The following TTC28 variants were observed in gnomAD, a reference collection of about 807,000 sequenced individuals.
TTC28 encodes tetratricopeptide repeat protein 28.
A neutral mutation model predicts 198.0 loss-of-function variants in TTC28; 61 were observed. The observed-to-expected ratio is 0.31, with a 90% CI of 0.25 to 0.38. The LOEUF (loss-of-function observed/expected upper bound fraction) is 0.38, where lower values mean the gene tolerates loss of function less well. Ranked by LOEUF, TTC28 falls within the 10% of genes least tolerant of loss-of-function variation. The pLI, the probability that TTC28 is intolerant of heterozygous loss-of-function variation, is 1.00. For missense variants in TTC28, 2,678 were observed against 3,164.0 expected (o/e 0.85, Z 3.69); for synonymous variants, 1,171 against 1,297.8 (o/e 0.90, Z 2.10).
At chr22:28,116,666 GA>G (rs549370594) in intron 6 of TTC28, among the ~76,000 whole-genome samples, 1 of 152,160 alleles carries the variant, frequency 6.6e-6, no homozygotes, top group Admixed American at 6.5e-5. Flanking sequence ...GCTTCAGTAT[GA>G]AAAAAACATT....
intron 2 of TTC28, among the ~76,000 whole-genome samples, chr22:28,575,434 T>C (rs1399867176): frequency 6.6e-6 from 1 of 151,858 alleles, no homozygotes; most frequent in Middle Eastern, 3.2e-3. Flanking sequence ...GGCTCTGTAG[T>C]ATAATTTGAA....
chr22:28,469,783 T>C (rs2048074506), intron 2 of TTC28, among the ~76,000 whole-genome samples: 1 of 152,220 alleles, frequency 6.6e-6, no homozygotes, highest in South Asian at 2.1e-4. Context: ...TTTCAGACTT[T>C]TGAGCTTCCA....
At chr22:28,135,798 T>C (rs1290999292) in intron 6 of TTC28, among the ~76,000 whole-genome samples, 1 of 152,192 alleles carries the variant, frequency 6.6e-6, no homozygotes, top group Non-Finnish European at 1.5e-5. Flanking sequence ...ACTGTAATTG[T>C]TTATTATATT....
intron 2 of TTC28, among the ~76,000 whole-genome samples, chr22:28,382,374 T>C (rs982578296): frequency 1.3e-5 from 2 of 152,164 alleles, no homozygotes; most frequent in African/African-American, 4.8e-5. Flanking sequence ...CTCCACATCA[T>C]CACTTGAGTA....
At chr22:28,592,409 G>C (rs974095440) in intron 2 of TTC28, among the ~76,000 whole-genome samples, 1 of 152,044 alleles carries the variant, frequency 6.6e-6, no homozygotes, top group Non-Finnish European at 1.5e-5. Flanking sequence ...CTAGCACTTT[G>C]GGAGGCCTAG....
chr22:28,304,221 C>G (rs763562055), intron 3 of TTC28, among the ~76,000 whole-genome samples: 202 of 151,594 alleles, frequency 1.3e-3, no homozygotes, highest in Middle Eastern at 3.4e-3. Flanking sequence ...GGAGGCGGAG[C>G]TTGCAGTGAG....
At position 28,096,425 on chromosome 22, in the gene TTC28, T is replaced by G. The variant is rs1316127121; in HGVS notation, c.3548-17A>C. The G allele has an allele frequency of 6.5e-7, 1 of 1,550,182 alleles. No homozygotes were observed. On this transcript the variant is annotated splice_polypyrimidine_tract_variant and intron_variant, in intron 10 of 22. Transcript: ENST00000397906. Reference sequence around the variant, plus strand: ...CATGATGGCCTAGGAGACAAAGAGATATGCCGAGGAGTCCATAGTGAGTGT... The same window carrying G: ...CATGATGGCCTAGGAGACAAAGAGAGATGCCGAGGAGTCCATAGTGAGTGT...
In TTC28 at chr22:28,371,598, A is replaced by ATTTTTTTTTTTTTTTTTTTTTTTTTTTT. The variant is rs1409625873; in HGVS notation, c.382-64956_382-64955insAAAAAAAAAAAAAAAAAAAAAAAAAAAA. 4.6e-3 allele frequency among the ~76,000 whole-genome samples: 129 copies of ATTTTTTTTTTTTTTTTTTTTTTTTTTTT among 27,756 alleles called. 50 individuals are homozygous for ATTTTTTTTTTTTTTTTTTTTTTTTTTTT. The highest frequency in any genetic ancestry group is 7.7e-3 in the South Asian group (2 of 260). The allele number at this position is 27,756 out of a possible 152,430, so 18.2% of individuals were successfully genotyped here. On this transcript the variant is annotated intron_variant, in intron 2 of 22. Transcript: ENST00000397906. ...ATCTTAACCAAAAAAAAAAAAAAAA[A>ATTTTTTTTTTTTTTTTTTTTTTTTTTTT]TTTTTTTTTTTTTTGAGACAGAGTC... is the stretch of plus-strand genomic sequence containing the variant.
chr22:28,426,142 G>A (rs1254577394), intron 2 of TTC28, among the ~76,000 whole-genome samples: 1 of 150,812 alleles, frequency 6.6e-6, no homozygotes, highest in Non-Finnish European at 1.5e-5. Context: ...AATCCAGGAG[G>A]CCGAAGTTGC....
chr22:28,054,554 G>A (rs1244027724), intron 12 of TTC28, among the ~76,000 whole-genome samples: 1 of 152,104 alleles, frequency 6.6e-6, no homozygotes, highest in African/African-American at 2.4e-5. Context: ...AGAGCAGAGA[G>A]GGAGTGGTGA....
At chr22:28,525,785 A>G (rs779943678) in intron 2 of TTC28, among the ~76,000 whole-genome samples, 9 of 152,200 alleles carry the variant, frequency 5.9e-5, no homozygotes, top group Non-Finnish European at 1.0e-4. Context: ...CAAAATTCGT[A>G]TTTAAGAATC....
At chr22:28,057,010 T>C (rs1020195422) in intron 12 of TTC28, among the ~76,000 whole-genome samples, 1 of 152,244 alleles carries the variant, frequency 6.6e-6, no homozygotes, top group Admixed American at 6.5e-5. Flanking sequence ...TGCCATTGTA[T>C]AACCATAGCA....
At chr22:28,282,932 A>T (rs2044612459) in intron 5 of TTC28, among the ~76,000 whole-genome samples, 1 of 152,210 alleles carries the variant, frequency 6.6e-6, no homozygotes, top group Non-Finnish European at 1.5e-5. Flanking sequence ...CCCTGGGTGT[A>T]CAATTTCTTT....
chr22:27,990,038 G>A, intron 20 of TTC28, 31 bp from the exon 21 acceptor site: 1 of 1,539,098 alleles, frequency 6.5e-7, no homozygotes, highest in Non-Finnish European at 8.8e-7. Context: ...TGAGCACCCT[G>A]TGTCTCCTTC....
At chr22:28,240,945 GAATA>G (rs1180027199) in intron 5 of TTC28, among the ~76,000 whole-genome samples, 1 of 151,884 alleles carries the variant, frequency 6.6e-6, no homozygotes, top group Admixed American at 6.6e-5. Flanking sequence ...TGATACAAAT[GAATA>G]AATAAATGGT....
chr22:28,361,546 A>G (rs1170375710), intron 2 of TTC28, among the ~76,000 whole-genome samples: 1 of 152,192 alleles, frequency 6.6e-6, no homozygotes, highest in African/African-American at 2.4e-5. Context: ...TAAGGAAAAA[A>G]GCTGTCTCTA....
chr22:28,184,481 G>C (rs1012798139), intron 5 of TTC28, among the ~76,000 whole-genome samples: 1 of 152,024 alleles, frequency 6.6e-6, no homozygotes, highest in Non-Finnish European at 1.5e-5. Context: ...CCCAAAGAAA[G>C]GAGTCATTAT....
intron 2 of TTC28, among the ~76,000 whole-genome samples, chr22:28,446,196 A>G (rs1192914993): frequency 2.0e-5 from 3 of 151,734 alleles, no homozygotes; most frequent in African/African-American, 7.3e-5. Context: ...TGTAATCCCT[A>G]CTGCCTAGAA....
intron 5 of TTC28, among the ~76,000 whole-genome samples, chr22:28,227,987 T>C (rs1037980352): frequency 7.2e-5 from 11 of 152,142 alleles, no homozygotes; most frequent in African/African-American, 2.4e-4. Flanking sequence ...TATAGATTAA[T>C]GGATAAACAA....
Sources: gnomAD v4.1 joint callset for allele counts (sites outside exome capture counted in the v4.1 genomes callset) on GRCh38, gnomAD v4.1.1 for gene constraint, MANE v1.5 for transcripts, NCBI Gene and HGNC (gene_info 2026-07-23, HGNC 2026-07-21) for gene names.